The following CD44 variants were observed in gnomAD, a reference collection of about 807,000 sequenced individuals.
The protein encoded by CD44 is CD44 molecule (IN blood group), also known as CD44 antigen.
In CD44, 49 loss-of-function variants were observed where a neutral mutation model predicts 88.8. That is an observed-to-expected ratio of 0.55 (90% CI 0.44 to 0.70). The LOEUF is 0.70. CD44 is among the 30% of genes least tolerant of loss of function. The pLI is 0.00. For missense variants in CD44, 883 were observed against 913.8 expected, an observed-to-expected ratio of 0.97 and a Z score of 0.43; for synonymous variants, 325 against 312.3, an observed-to-expected ratio of 1.04 and a Z score of -0.43.
rs1177743547 is a variant in CD44 at position 35,201,209 on chromosome 11, C to T, written c.1036+14C>T. ...CAAGGATGACTGGTAATGGGTTCTG[C>T]ATATTTAATGAAAGATTTTTTTCCC... On this transcript the variant is annotated intron_variant, in intron 8 of 17. Coordinates refer to ENST00000428726, the MANE Select transcript of CD44 (RefSeq NM_000610.4). 3 of 1,552,826 alleles carry T rather than the reference C, an allele frequency of 1.9e-6. No individual in the cohort carries two copies. Among genetic ancestry groups the T allele is most frequent in the Non-Finnish European group, 2.7e-6 (3 of 1,124,098 alleles).
intron 15 of CD44, among the ~76,000 whole-genome samples, chr11:35,215,257 C>A (rs1547060): frequency 0.76 from 116,154 of 152,178 alleles, 45,174 homozygotes; most frequent in East Asian, 0.99. Flanking sequence ...CCAATTTAAC[C>A]TTGCACTACA....
rs895514107 is a variant in CD44 at position 35,231,304 on chromosome 11, C to G, written c.*1971C>G. On this transcript the variant is annotated 3_prime_UTR_variant, in exon 18 of 18. Coordinates refer to ENST00000428726, the MANE Select transcript of CD44 (RefSeq NM_000610.4). The stretch of plus-strand genomic sequence containing the variant: ...TGCCAGAGGCCCAGACAGGCTCACT[C>G]AAGCTCTTTAACTGAAAAGCAACAA... 3 of 152,180 alleles carry G rather than the reference C, an allele frequency of 2.0e-5. No individual in the cohort carries two copies. Among genetic ancestry groups the G allele is most frequent in the African/African-American group, 7.2e-5 (3 of 41,418 alleles). 9.4% of individuals were successfully genotyped at this position (152,180 alleles called of 1,614,324 possible). A position where few individuals can be genotyped will look rare whatever the true frequency, so the allele number is the denominator to read the frequency against.
chr11:35,220,045 G>A (rs1949160173), intron 16 of CD44, among the ~76,000 whole-genome samples: 6 of 152,196 alleles, frequency 3.9e-5, no homozygotes. Flanking sequence ...TTACTAAAGG[G>A]AAGGGTTCTC....
At chr11:35,186,974 A>G in intron 4 of CD44, 74 bp downstream of exon 4, 5 of 910,088 alleles carry the variant, frequency 5.5e-6, no homozygotes, top group Non-Finnish European at 9.2e-6. Context: ...TCTGTGGTAT[A>G]TTTGAATAGA....
chr11:35,167,696 G>C (rs527760646), intron 1 of CD44, among the ~76,000 whole-genome samples: 1 of 152,202 alleles, frequency 6.6e-6, no homozygotes, highest in Non-Finnish European at 1.5e-5. Flanking sequence ...CACCCAGAGA[G>C]CTATGTTCCA....
At chr11:35,219,463 C>A in intron 16 of CD44, 76 bp downstream of exon 16, 1 of 1,060,546 alleles carries the variant, frequency 9.4e-7, no homozygotes, top group Non-Finnish European at 1.4e-6. Context: ...GACGAAGAGA[C>A]TCATTTGAAA....
chr11:35,184,734 G>A (rs1196960012), intron 3 of CD44, among the ~76,000 whole-genome samples: 4 of 152,178 alleles, frequency 2.6e-5, no homozygotes, highest in Non-Finnish European at 5.9e-5. Flanking sequence ...GCATATAAGT[G>A]TTGAGTAGAT....
chr11:35,190,710 C>T (rs1012377443), intron 5 of CD44, among the ~76,000 whole-genome samples: 11 of 152,296 alleles, frequency 7.2e-5, no homozygotes, highest in East Asian at 3.9e-4. Flanking sequence ...TTTTCACCAA[C>T]GATAATTTAC....
intron 17 of CD44, chr11:35,222,530 T>C: frequency 9.5e-7 from 1 of 1,052,868 alleles, no homozygotes; most frequent in South Asian, 2.9e-5. Context: ...TTTTATATTC[T>C]TGAAGGCCAC....
rs370616475 is a variant in CD44 at position 35,190,083 on chromosome 11, C to A, written c.667+18C>A. The A allele has an allele frequency of 1.3e-6, 2 of 1,596,332 alleles. No individual in the cohort carries two copies. Among genetic ancestry groups the A allele is most frequent in the Non-Finnish European group, 1.7e-6 (2 of 1,163,670 alleles). The stretch of plus-strand genomic sequence containing the variant: ...TGCTACCAGTAAGGAGAATAAATCA[C>A]TGTGCTTCCCAATAGCAATTCCCTG... On this transcript the variant is annotated intron_variant, in intron 5 of 17. Transcript: ENST00000428726.
chr11:35,146,524 A>G (rs1051276666), intron 1 of CD44, among the ~76,000 whole-genome samples: 5 of 152,204 alleles, frequency 3.3e-5, no homozygotes, highest in African/African-American at 1.2e-4. Context: ...GCGCCATTCT[A>G]ATTGTTTCCT....
chr11:35,202,215 T>C (rs1005211499), intron 9 of CD44, among the ~76,000 whole-genome samples: 17 of 152,208 alleles, frequency 1.1e-4, no homozygotes, highest in African/African-American at 4.1e-4. Context: ...CTTTTTTGCA[T>C]TCTGTCCCTG....
chr11:35,217,458 G>T (rs1948932529), intron 15 of CD44, among the ~76,000 whole-genome samples: 2 of 152,116 alleles, frequency 1.3e-5, no homozygotes, highest in South Asian at 4.1e-4. Flanking sequence ...AGTTGGGCAG[G>T]TGAAAACCTG....
At chr11:35,221,192 A>G (rs949128388) in intron 16 of CD44, among the ~76,000 whole-genome samples, 2 of 152,206 alleles carry the variant, frequency 1.3e-5, no homozygotes, top group African/African-American at 2.4e-5. Flanking sequence ...TGTAGTGCGT[A>G]ATGCAATAGA....
chr11:35,188,114 TGTTGAGAG>T (rs1379757958), intron 4 of CD44, among the ~76,000 whole-genome samples: 2 of 152,192 alleles, frequency 1.3e-5, no homozygotes, highest in Non-Finnish European at 2.9e-5. Flanking sequence ...AACAGTACAG[TGTTGAGAG>T]GTCTGATTTC....
rs1260118155 is a variant in CD44, at chr11:35,181,894, AATATAAT to A, written c.367+1500_367+1506del. Among the ~76,000 whole-genome samples the A allele has an allele frequency of 7.6e-3, 540 of 71,054 alleles. 8 individuals are homozygous for A. The highest frequency in any genetic ancestry group is 0.013 in the African/African-American group (191 of 15,036). 46.6% of individuals were successfully genotyped at this position (71,054 alleles called of 152,430 possible). A position where few individuals can be genotyped will look rare whatever the true frequency, so the allele number is the denominator to read the frequency against. On this transcript the variant is annotated intron_variant, in intron 3 of 17. Transcript: ENST00000428726. The stretch of plus-strand genomic sequence containing the variant: ...ATATATTATATATAATTCTATATAT[AATATAAT>A]ATATAATATATATTATATATTATAT...
chr11:35,228,230 C>A (rs980686550), intron 17 of CD44, among the ~76,000 whole-genome samples: 1 of 152,094 alleles, frequency 6.6e-6, no homozygotes, highest in Admixed American at 6.5e-5. Context: ...CTTTCTTTTG[C>A]GTTTGGGTCT....
At chr11:35,195,812 T>C (rs1216838573) in intron 5 of CD44, among the ~76,000 whole-genome samples, 3 of 152,116 alleles carry the variant, frequency 2.0e-5, no homozygotes, top group Admixed American at 6.6e-5. Context: ...CCTGATTGAT[T>C]ATCCTATTTT....
At chr11:35,215,656 G>T (rs1948772529) in intron 15 of CD44, among the ~76,000 whole-genome samples, 1 of 152,076 alleles carries the variant, frequency 6.6e-6, no homozygotes, top group Admixed American at 6.5e-5. Flanking sequence ...GGCCGAGGCA[G>T]GTGGATCACG....
Sources: gnomAD v4.1 joint callset for allele counts (sites outside exome capture counted in the v4.1 genomes callset) on GRCh38, gnomAD v4.1.1 for gene constraint, MANE v1.5 for transcripts, NCBI Gene and HGNC (gene_info 2026-07-23, HGNC 2026-07-21) for gene names.